Variants in POLK observed in about 807,000 individuals in gnomAD.
POLK encodes the protein DNA polymerase kappa.
In POLK, 76 loss-of-function variants were observed where a neutral mutation model predicts 94.0. The observed-to-expected ratio is 0.81, with a 90% confidence interval of 0.67 to 0.98. The LOEUF is 0.98. Ranked by LOEUF, POLK falls within the 50% of genes least tolerant of loss-of-function variation. The pLI is 0.00. For missense variants in POLK, 954 were observed against 1,010.1 expected (o/e 0.94, Z 0.75); for synonymous variants, 349 against 325.4 (o/e 1.07, Z -0.78).
At chr5:75,536,857 A>G (rs944021636) in intron 1 of POLK, among the ~76,000 whole-genome samples, 5 of 152,198 alleles carry the variant, frequency 3.3e-5, no homozygotes, top group African/African-American at 1.2e-4. Flanking sequence ...TCTCACAAGC[A>G]TTGCTTGCCT....
At chr5:75,597,673 T>G in intron 13 of POLK, 74 bp from the exon 14 acceptor site, 1 of 858,290 alleles carries the variant, frequency 1.2e-6, no homozygotes, top group South Asian at 2.3e-5. Flanking sequence ...TTTTAACTTT[T>G]TAAATTTGTA....
intron 1 of POLK, among the ~76,000 whole-genome samples, 192 bp from the exon 2 acceptor site, chr5:75,546,818 G>A (rs1770046814): frequency 6.6e-6 from 1 of 151,866 alleles, no homozygotes; most frequent in Admixed American, 6.6e-5. Flanking sequence ...GGCGCATGCC[G>A]TCATGCCTGG....
rs1389422493 is a variant in POLK, at chr5:75,597,253, A to G, written c.2485+75A>G. 10 of 799,632 alleles carry G rather than the reference A, an allele frequency of 1.3e-5. No homozygotes were observed. The Admixed American group carries it at 2.3e-4, about 18-fold the overall frequency. The allele number at this position is 799,632 out of a possible 1,614,324, so 49.5% of individuals were successfully genotyped here. The stretch of plus-strand genomic sequence containing the variant: ...ATTAAAATTAATGAGATTGTTGTTA[A>G]ATCTGAAACATATACTATTAAATGG... On this transcript the variant is annotated intron_variant, in intron 13 of 14. Transcript: ENST00000241436.
At chr5:75,544,939 G>A (rs1220350242) in intron 1 of POLK, among the ~76,000 whole-genome samples, 5 of 152,150 alleles carry the variant, frequency 3.3e-5, no homozygotes, top group South Asian at 2.1e-4. Flanking sequence ...TGGGCACTAC[G>A]AAATAACATC....
At chr5:75,566,798 T>A (rs553477588) in intron 3 of POLK, among the ~76,000 whole-genome samples, 21 of 152,266 alleles carry the variant, frequency 1.4e-4, no homozygotes, top group Non-Finnish European at 2.6e-4. Context: ...GCTGCAGCCA[T>A]CTTACCCGGG....
At chr5:75,593,977 G>A (rs1302801638) in exon 12 of POLK, 3 of 1,611,348 alleles carry the variant, frequency 1.9e-6, no homozygotes, top group South Asian at 2.2e-5. Flanking sequence ...AGAAATATTT[G>A]CCATTGCTAA....
chr5:75,605,182 T>C, downstream of POLK, among the ~76,000 whole-genome samples: 1 of 151,420 alleles, frequency 6.6e-6, no homozygotes, highest in Non-Finnish European at 1.5e-5. Context: ...CACATACCTA[T>C]CATTGAGTTC....
intron 1 of POLK, among the ~76,000 whole-genome samples, chr5:75,528,335 A>T (rs562677847): frequency 3.3e-5 from 5 of 152,160 alleles, no homozygotes; most frequent in East Asian, 1.9e-4. Context: ...TATAAAATAT[A>T]TGAAGAAATA....
intron 2 of POLK, among the ~76,000 whole-genome samples, chr5:75,551,614 T>C (rs1412910298): frequency 6.6e-6 from 1 of 152,132 alleles, no homozygotes; most frequent in Non-Finnish European, 1.5e-5. Flanking sequence ...GAAAAGATGC[T>C]CAATATTATT....
intron 3 of POLK, 128 bp downstream of exon 3, chr5:75,552,719 T>G (rs769335299): frequency 4.2e-5 from 41 of 965,816 alleles, no homozygotes; most frequent in Non-Finnish European, 6.3e-5. Context: ...AGCATACATA[T>G]TCAGCAAATG....
intron 6 of POLK, among the ~76,000 whole-genome samples, chr5:75,578,000 T>C (rs1771993182): frequency 6.6e-6 from 1 of 152,170 alleles, no homozygotes; most frequent in Non-Finnish European, 1.5e-5. Flanking sequence ...GTATAAAATC[T>C]TACTTTATTA....
chr5:75,532,114 T>G (rs1246381078), intron 1 of POLK, among the ~76,000 whole-genome samples: 1 of 152,198 alleles, frequency 6.6e-6, no homozygotes. Context: ...TATTTTAGGT[T>G]CAGGGGTACA....
At chr5:75,511,429 C>A (rs1158225705), upstream of POLK, 2 of 1,541,400 alleles carry the variant, frequency 1.3e-6, no homozygotes, top group Non-Finnish European at 8.7e-7. Context: ...GGAAGCCTAC[C>A]CTTCCAGCCG....
At chr5:75,597,115 C>A in exon 13 of POLK, 2 of 1,612,112 alleles carry the variant, frequency 1.2e-6, no homozygotes, top group South Asian at 2.2e-5. Context: ...AAGTTTTATC[C>A]AAGAATTAAG....
At chr5:75,531,835 TTC>T (rs1283742009) in intron 1 of POLK, among the ~76,000 whole-genome samples, 1 of 152,086 alleles carries the variant, frequency 6.6e-6, no homozygotes, top group Middle Eastern at 3.2e-3. Context: ...ATCTCATACT[TTC>T]TGAGGGTCAA....
downstream of POLK, among the ~76,000 whole-genome samples, chr5:75,603,319 A>C (rs1773339400): frequency 6.6e-6 from 1 of 152,076 alleles, no homozygotes; most frequent in Non-Finnish European, 1.5e-5. Flanking sequence ...TCAGTTGTCT[A>C]AACTCTTGAC....
chr5:75,519,060 A>G (rs933944021), intron 1 of POLK, among the ~76,000 whole-genome samples: 2 of 152,172 alleles, frequency 1.3e-5, no homozygotes, highest in African/African-American at 4.8e-5. Flanking sequence ...TCTTGGCTTC[A>G]AACAGTCCTT....
intron 3 of POLK, among the ~76,000 whole-genome samples, chr5:75,556,705 CT>C (rs1453061915): frequency 2.7e-5 from 4 of 148,122 alleles, no homozygotes; most frequent in Non-Finnish European, 6.0e-5. Context: ...ATAACTTCAT[CT>C]TTTTTTCTTT....
intron 11 of POLK, among the ~76,000 whole-genome samples, chr5:75,593,357 C>T (rs183696635): frequency 1.4e-3 from 211 of 152,224 alleles, no homozygotes; most frequent in African/African-American, 4.8e-3. Flanking sequence ...GTCTTGAACT[C>T]CTGACCTCGT....
Sources: allele counts gnomAD v4.1 joint callset (sites outside exome capture counted in the v4.1 genomes callset), GRCh38; gene constraint gnomAD v4.1.1; transcripts MANE v1.5; gene names NCBI Gene and HGNC (gene_info 2026-07-23, HGNC 2026-07-21).